Variants in CTIF observed in about 807,000 individuals in gnomAD.
CTIF encodes cap binding complex dependent translation initiation factor.
A neutral mutation model predicts 66.0 loss-of-function variants in CTIF; 21 were observed. That is an observed-to-expected ratio of 0.32 (90% confidence interval 0.23 to 0.46). The LOEUF (loss-of-function observed/expected upper bound fraction) is 0.46, where lower values mean the gene tolerates loss of function less well. CTIF is among the 20% of genes least tolerant of loss of function. The pLI, the probability that CTIF is intolerant of heterozygous loss-of-function variation, is 1.00. For missense variants in CTIF, 739 were observed against 812.7 expected (o/e 0.91, Z 1.10); for synonymous variants, 345 against 326.4 (o/e 1.06, Z -0.62).
intron 6 of CTIF, among the ~76,000 whole-genome samples, chr18:48,683,610 C>A (rs1360681403): frequency 3.3e-5 from 5 of 151,964 alleles, no homozygotes; most frequent in Non-Finnish European, 7.4e-5. Context: ...CCTCTTTGTT[C>A]CTTTTGGCAC....
At chr18:48,818,410 T>G (rs2068414487) in intron 10 of CTIF, among the ~76,000 whole-genome samples, 1 of 152,202 alleles carries the variant, frequency 6.6e-6, no homozygotes, top group Non-Finnish European at 1.5e-5. Context: ...GGCCCCATTT[T>G]CTGAGATGGA....
chr18:48,607,480 G>A (rs563329527), intron 1 of CTIF, among the ~76,000 whole-genome samples: 1 of 152,336 alleles, frequency 6.6e-6, no homozygotes, highest in South Asian at 2.1e-4. Flanking sequence ...ACCAAGGTGG[G>A]CAGAGCATTT....
chr18:48,618,330 C>T (rs1598747198), intron 1 of CTIF, among the ~76,000 whole-genome samples: 1 of 152,184 alleles, frequency 6.6e-6, no homozygotes, highest in South Asian at 2.1e-4. Context: ...GGCTTCAGAG[C>T]CCTGTGTGTG....
rs1014643383 is a variant in CTIF, at chr18:48,860,937, C to T, written c.*1378C>T. ...AGGTGTGGGGTGGAACAGGTGTCCA[C>T]ATAGCTCCATCTCTGGGGGCTGGAG... is the stretch of plus-strand genomic sequence containing the variant. On this transcript the variant is annotated 3_prime_UTR_variant, in exon 12 of 12. Transcript: ENST00000256413. 8.5e-5 allele frequency: 13 copies of T among 152,218 alleles called. No homozygotes were observed. Among genetic ancestry groups the T allele is most frequent in the African/African-American group, 2.9e-4 (12 of 41,446 alleles). 9.4% of individuals were successfully genotyped at this position (152,218 alleles called of 1,614,324 possible). A position where few individuals can be genotyped will look rare whatever the true frequency, so the allele number is the denominator to read the frequency against.
At chr18:48,813,271 A>G (rs1013381410) in intron 9 of CTIF, among the ~76,000 whole-genome samples, 3 of 152,230 alleles carry the variant, frequency 2.0e-5, no homozygotes, top group African/African-American at 4.8e-5. Flanking sequence ...GCCTATTCAC[A>G]CATCATAGAA....
At chr18:48,602,806 A>G (rs1447546842) in intron 1 of CTIF, among the ~76,000 whole-genome samples, 1 of 149,668 alleles carries the variant, frequency 6.7e-6, no homozygotes, top group African/African-American at 2.5e-5. Flanking sequence ...TGGGTGGGTG[A>G]ACGAATGGAT....
chr18:48,565,621 G>T (rs4939779), intron 1 of CTIF: 133,479 of 152,246 alleles, frequency 0.88, 58,707 homozygotes, highest in East Asian at 1. Context: ...TTAGTTCCCT[G>T]ATCTGTAAAA....
chr18:48,637,497 C>A (rs1198872646), intron 3 of CTIF, among the ~76,000 whole-genome samples: 1 of 152,182 alleles, frequency 6.6e-6, no homozygotes, highest in Non-Finnish European at 1.5e-5. Flanking sequence ...CCCCTGCAGG[C>A]TCCTGCGAGG....
chr18:48,848,100 G>A (rs892989795), intron 10 of CTIF, among the ~76,000 whole-genome samples: 19 of 152,318 alleles, frequency 1.2e-4, no homozygotes, highest in African/African-American at 4.3e-4. Flanking sequence ...TTCTGACTCT[G>A]CCTCATTCTT....
rs2069475600 is a variant in CTIF, at chr18:48,861,788, C to T, written c.*2229C>T. On this transcript the variant is annotated 3_prime_UTR_variant, in exon 12 of 12. Coordinates refer to ENST00000256413, the MANE Select transcript of CTIF (RefSeq NM_014772.3). ...GATTCTCCTTCCTCCGAACGGGCTC[C>T]TTGATGGCCTGGCCACAGGGGCAGC... is the stretch of plus-strand genomic sequence containing the variant. 6.6e-6 allele frequency: 1 copy of T among 152,336 alleles called. No homozygotes were observed. Among genetic ancestry groups the T allele is most frequent in the Non-Finnish European group, 1.5e-5 (1 of 68,124 alleles). The allele number at this position is 152,336 out of a possible 1,614,324, so 9.4% of individuals were successfully genotyped here. A position where few individuals can be genotyped will look rare whatever the true frequency, so the allele number is the denominator to read the frequency against.
chr18:48,815,942 C>G (rs2068354170), intron 9 of CTIF, among the ~76,000 whole-genome samples: 1 of 152,220 alleles, frequency 6.6e-6, no homozygotes, highest in Non-Finnish European at 1.5e-5. Flanking sequence ...CCTTACAACC[C>G]ACCACTTAGC....
At chr18:48,644,201 G>A (rs777146331) in intron 3 of CTIF, among the ~76,000 whole-genome samples, 5 of 152,068 alleles carry the variant, frequency 3.3e-5, no homozygotes, top group Non-Finnish European at 5.9e-5. Flanking sequence ...TTATTTATTT[G>A]TTCTTTCACC....
At chr18:48,673,098 C>T (rs181031096) in intron 6 of CTIF, among the ~76,000 whole-genome samples, 9 of 152,330 alleles carry the variant, frequency 5.9e-5, no homozygotes, top group African/African-American at 2.2e-4. Flanking sequence ...TTCCCCAGAG[C>T]CCCTGCCCCC....
In CTIF at chr18:48,645,815, C is replaced by A. The variant is rs112129431; in HGVS notation, c.252+9130C>A. Among the ~76,000 whole-genome samples, 239 of 152,344 alleles carry A rather than the reference C, an allele frequency of 1.6e-3. 1 individual carries two copies. Among genetic ancestry groups the A allele is most frequent in the African/African-American group, 5.7e-3 (236 of 41,570 alleles). ...TCCCACCTCCACCCAGCGGTGACAG[C>A]AAGCACCCCTGCGGCGTCGGAGGAG... On this transcript the variant is annotated intron_variant, in intron 3 of 11. Transcript: ENST00000256413.
rs563203633 is a variant in CTIF, at chr18:48,568,603, A to G, written c.-29+29291A>G. 2.9e-5 allele frequency among the ~76,000 whole-genome samples: 4 copies of G among 138,702 alleles called. No homozygotes were observed. In the South Asian group the frequency reaches 1.0e-3, roughly 35 times the overall value. The allele number at this position is 138,702 out of a possible 152,430, so 91.0% of individuals were successfully genotyped here. A position where few individuals can be genotyped will look rare whatever the true frequency, so the allele number is the denominator to read the frequency against. On this transcript the variant is annotated intron_variant, in intron 1 of 11. Transcript: ENST00000256413. ...TGTAATAGTCCATTTTTATATCACT[A>G]TGAAGAAATACCTGAGACTGGGCAA... is the stretch of plus-strand genomic sequence containing the variant.
At chr18:48,616,586 G>A (rs1321348253) in intron 1 of CTIF, among the ~76,000 whole-genome samples, 4 of 152,170 alleles carry the variant, frequency 2.6e-5, no homozygotes, top group Non-Finnish European at 4.4e-5. Context: ...CTGAACCTCC[G>A]TTTTCTCTTC....
intron 7 of CTIF, among the ~76,000 whole-genome samples, chr18:48,735,209 G>A (rs763661355): frequency 6.6e-6 from 1 of 152,158 alleles, no homozygotes; most frequent in Non-Finnish European, 1.5e-5. Context: ...TGGAGGAGGT[G>A]GAACCTGATC....
In CTIF at chr18:48,541,407, C is replaced by G. The variant is rs191598773; in HGVS notation, c.-29+2095C>G. ...GCGCCGCCGCTGCTGGAGCCAGGGCCGAGAGGAAGGAGCCGCCCAGAGCGC... is the reference window on the plus strand; with the variant it reads ...GCGCCGCCGCTGCTGGAGCCAGGGCGGAGAGGAAGGAGCCGCCCAGAGCGC... On this transcript the variant is annotated intron_variant, in intron 1 of 11. Transcript: ENST00000256413. Among the ~76,000 whole-genome samples, 1,161 of 152,300 alleles carry G rather than the reference C, an allele frequency of 7.6e-3. 9 individuals carry two copies. Among genetic ancestry groups the G allele is most frequent in the African/African-American group, 0.027 (1,114 of 41,564 alleles).
At chr18:48,855,034 C>T (rs571581164) in intron 10 of CTIF, among the ~76,000 whole-genome samples, 56 of 152,362 alleles carry the variant, frequency 3.7e-4, no homozygotes, top group African/African-American at 1.3e-3. Flanking sequence ...ATTTCCACCG[C>T]CCTGGAGCAG....
Sources: allele counts gnomAD v4.1 joint callset (sites outside exome capture counted in the v4.1 genomes callset), GRCh38; gene constraint gnomAD v4.1.1; transcripts MANE v1.5; gene names NCBI Gene and HGNC (gene_info 2026-07-23, HGNC 2026-07-21).